IMMP2L: variants seen among roughly 807,000 people sequenced by gnomAD.
IMMP2L encodes the protein inner mitochondrial membrane peptidase subunit 2.
In IMMP2L, 18 loss-of-function variants were observed where a neutral mutation model predicts 19.3. The ratio of observed to expected loss-of-function variants is 0.93; its 90% CI spans 0.64 to 1.38. The LOEUF (loss-of-function observed/expected upper bound fraction) is 1.38. IMMP2L is among the 40% of genes most tolerant of loss of function. The pLI is 0.00. For missense variants in IMMP2L, 233 were observed against 218.2 expected (o/e 1.07, Z -0.43); for synonymous variants, 76 against 73.0 (o/e 1.04, Z -0.21).
chr7:111,514,704 C>T (rs141134783), intron 2 of IMMP2L, among the ~76,000 whole-genome samples: 13 of 152,158 alleles, frequency 8.5e-5, no homozygotes, highest in African/African-American at 3.1e-4. Flanking sequence ...TGTAATCCAT[C>T]ACCTAGAGCC....
At chr7:110,907,294 G>C (rs1403215256) in intron 4 of IMMP2L, among the ~76,000 whole-genome samples, 3 of 152,112 alleles carry the variant, frequency 2.0e-5, no homozygotes, top group African/African-American at 7.2e-5. Context: ...TCAGTGTAAA[G>C]GGGAGCTGAA....
At chr7:110,686,419 A>C (rs1383654192) in intron 5 of IMMP2L, among the ~76,000 whole-genome samples, 1 of 151,690 alleles carries the variant, frequency 6.6e-6, no homozygotes, top group African/African-American at 2.4e-5. Context: ...ATAACCCTCA[A>C]ATTCGTATTT....
At position 110,817,565 on chromosome 7, in the gene IMMP2L, C is replaced by T. The variant is rs1036451327; in HGVS notation, c.408+69028G>A. Among the ~76,000 whole-genome samples, 3 of 152,098 alleles carry T rather than the reference C, an allele frequency of 2.0e-5. No homozygotes were observed. The East Asian group carries it at 5.8e-4, about 29-fold the overall frequency. On this transcript the variant is annotated intron_variant, in intron 5 of 5. Coordinates refer to ENST00000405709, the MANE Select transcript of IMMP2L (RefSeq NM_032549.4). ...AGGTAATTTATAGATTCCATGCCAT[C>T]CCCGTCAAGCTACCAATGACTTTCT...
At chr7:110,794,979 C>T (rs1800763528) in intron 5 of IMMP2L, among the ~76,000 whole-genome samples, 3 of 152,088 alleles carry the variant, frequency 2.0e-5, no homozygotes, top group African/African-American at 7.2e-5. Context: ...CAGTCTTTGA[C>T]TTCTGGCTCA....
chr7:111,530,892 A>C (rs940954395), intron 1 of IMMP2L, among the ~76,000 whole-genome samples: 5 of 152,170 alleles, frequency 3.3e-5, no homozygotes, highest in Admixed American at 1.3e-4. Flanking sequence ...TGAGATAGCA[A>C]GAATGCTGGC....
chr7:110,822,437 T>A (rs1803116641), intron 5 of IMMP2L, among the ~76,000 whole-genome samples: 1 of 152,098 alleles, frequency 6.6e-6, no homozygotes, highest in Non-Finnish European at 1.5e-5. Flanking sequence ...ATAAGTTCCA[T>A]TCATGCCTCT....
intron 5 of IMMP2L, among the ~76,000 whole-genome samples, chr7:110,819,129 GA>G (rs1370076360): frequency 4.0e-5 from 6 of 150,852 alleles, no homozygotes; most frequent in African/African-American, 7.3e-5. Context: ...ATAAAAAAAA[GA>G]AAAAAAAATC....
chr7:111,152,340 C>T (rs560811301), intron 3 of IMMP2L, among the ~76,000 whole-genome samples: 2 of 152,140 alleles, frequency 1.3e-5, no homozygotes, highest in East Asian at 3.9e-4. Context: ...ACCACCTTGC[C>T]TCTTATGTAT....
Position 110,821,357 on chromosome 7 carries a change from A to G in IMMP2L, c.408+65236T>C, listed in dbSNP as rs539320844. On this transcript the variant is annotated intron_variant, in intron 5 of 5. Coordinates refer to ENST00000405709, the MANE Select transcript of IMMP2L (RefSeq NM_032549.4). ...GTAACTATAAACAGAGTCTTTATCA[A>G]TGAGTTTCCTCAGAGTTTCACGTTT... 1.8e-4 allele frequency among the ~76,000 whole-genome samples: 28 copies of G among 152,232 alleles called. No individual in the cohort carries two copies. The South Asian group carries it at 5.4e-3, about 29-fold the overall frequency.
At chr7:111,115,187 C>T (rs999031160) in intron 3 of IMMP2L, among the ~76,000 whole-genome samples, 2 of 152,102 alleles carry the variant, frequency 1.3e-5, no homozygotes, top group Admixed American at 6.5e-5. Context: ...ACTCCATTGG[C>T]TCTCAAACAA....
intron 2 of IMMP2L, among the ~76,000 whole-genome samples, chr7:111,491,671 T>A: frequency 6.6e-6 from 1 of 152,118 alleles, no homozygotes; most frequent in East Asian, 1.9e-4. Context: ...AAAGGTGAGC[T>A]TTCACAAGGG....
At chr7:110,800,353 C>A (rs996586126) in intron 5 of IMMP2L, among the ~76,000 whole-genome samples, 1 of 152,032 alleles carries the variant, frequency 6.6e-6, no homozygotes, top group Non-Finnish European at 1.5e-5. Context: ...GCATGTCCAT[C>A]TCATTTAATG....
At position 110,788,179 on chromosome 7, in the gene IMMP2L, C is replaced by A. The variant is rs545706959; in HGVS notation, c.408+98414G>T. Among the ~76,000 whole-genome samples the A allele has an allele frequency of 1.2e-3, 183 of 152,152 alleles. 1 individual carries two copies. Among genetic ancestry groups the A allele is most frequent in the Non-Finnish European group, 2.0e-3 (138 of 67,976 alleles). On this transcript the variant is annotated intron_variant, in intron 5 of 5. Transcript: ENST00000405709. Reference sequence around the variant, plus strand: ...CATTACTTTCATCTACTTCCCTTTACAGCCAAACTCTTCGAAATAGATGTT... The same window carrying A: ...CATTACTTTCATCTACTTCCCTTTAAAGCCAAACTCTTCGAAATAGATGTT...
intron 3 of IMMP2L, among the ~76,000 whole-genome samples, chr7:111,028,572 G>A (rs941937485): frequency 6.6e-6 from 1 of 151,972 alleles, no homozygotes; most frequent in Non-Finnish European, 1.5e-5. Context: ...TGGTATGACT[G>A]TCTGCATAAC....
At position 110,832,302 on chromosome 7, in the gene IMMP2L, A is replaced by G. The variant is rs10251871; in HGVS notation, c.408+54291T>C. On this transcript the variant is annotated intron_variant, in intron 5 of 5. Coordinates refer to ENST00000405709, the MANE Select transcript of IMMP2L (RefSeq NM_032549.4). ...ACAAACAAAAAAACCCTACTCTGTCATTCTGATTTTAGCCAGGTTTTGCAC... is the reference window on the plus strand; with the variant it reads ...ACAAACAAAAAAACCCTACTCTGTCGTTCTGATTTTAGCCAGGTTTTGCAC... Among the ~76,000 whole-genome samples, 743 of 152,192 alleles carry G rather than the reference A, an allele frequency of 4.9e-3. 9 individuals carry two copies. The highest frequency in any genetic ancestry group is 0.017 in the African/African-American group (699 of 41,552).
intron 5 of IMMP2L, among the ~76,000 whole-genome samples, chr7:110,810,521 C>G (rs1801964291): frequency 6.6e-6 from 1 of 152,034 alleles, no homozygotes; most frequent in South Asian, 2.1e-4. Flanking sequence ...ATTTAAGCTG[C>G]TTGTCAGTAC....
At chr7:110,887,927 T>C (rs971082758) in intron 4 of IMMP2L, among the ~76,000 whole-genome samples, 4 of 152,120 alleles carry the variant, frequency 2.6e-5, no homozygotes, top group African/African-American at 9.7e-5. Context: ...ACTATTTTTA[T>C]TAGTTAGCAA....
chr7:110,669,046 TGTGTGC>T (rs754493746), intron 5 of IMMP2L, among the ~76,000 whole-genome samples: 9,473 of 63,604 alleles, frequency 0.15, 480 homozygotes, highest in Middle Eastern at 0.17. Flanking sequence ...TGTGTGTGTG[TGTGTGC>T]GTGTGTGTGT....
At chr7:111,423,933 TA>T (rs1016119928) in intron 3 of IMMP2L, among the ~76,000 whole-genome samples, 1 of 151,900 alleles carries the variant, frequency 6.6e-6, no homozygotes, top group Admixed American at 6.6e-5. Flanking sequence ...TTAACTATAC[TA>T]ATGGCTACAC....
Sources: allele counts gnomAD v4.1 joint callset (sites outside exome capture counted in the v4.1 genomes callset), GRCh38; gene constraint gnomAD v4.1.1; transcripts MANE v1.5; gene names NCBI Gene and HGNC (gene_info 2026-07-23, HGNC 2026-07-21).